The following CDC42SE2 variants were observed in gnomAD, a reference collection of about 807,000 sequenced individuals.
CDC42SE2 encodes the protein CDC42 small effector 2, also known as CDC42 small effector protein 2.
In CDC42SE2, 3 loss-of-function variants were observed where a neutral mutation model predicts 11.5. The ratio of observed to expected loss-of-function variants is 0.26; its 90% confidence interval spans 0.12 to 0.67. The LOEUF (loss-of-function observed/expected upper bound fraction) is 0.67. CDC42SE2 is among the 30% of genes least tolerant of loss of function. The pLI, the probability that CDC42SE2 is intolerant of heterozygous loss-of-function variation, is 0.80. For synonymous variants in CDC42SE2, 33 were observed against 34.8 expected (o/e 0.95, Z 0.18); for missense variants, 82 against 106.8 (o/e 0.77, Z 1.02).
At chr5:131,280,023 C>T (rs1341104404) in intron 1 of CDC42SE2, among the ~76,000 whole-genome samples, 1 of 152,192 alleles carries the variant, frequency 6.6e-6, no homozygotes, top group Non-Finnish European at 1.5e-5. Flanking sequence ...GCTGAGCTCA[C>T]ACCACTGCAC....
At chr5:131,237,962 A>AT in the CDC42SE2 span, among the ~76,000 whole-genome samples, 1 of 152,122 alleles carries the variant, frequency 6.6e-6, no homozygotes, top group African/African-American at 2.4e-5. Flanking sequence ...TTCTTTCATA[A>AT]TCTTTGGAAA....
chr5:131,378,828 T>C (rs1750231136), intron 3 of CDC42SE2, among the ~76,000 whole-genome samples: 1 of 151,406 alleles, frequency 6.6e-6, no homozygotes, highest in Non-Finnish European at 1.5e-5. Flanking sequence ...TGGGTTTTTT[T>C]CACAGTAACC....
chr5:131,332,577 C>T (rs1287618715), intron 2 of CDC42SE2, among the ~76,000 whole-genome samples: 1 of 152,088 alleles, frequency 6.6e-6, no homozygotes, highest in African/African-American at 2.4e-5. Context: ...AGTTTACAGT[C>T]CCACCAACAG....
intron 2 of CDC42SE2, among the ~76,000 whole-genome samples, chr5:131,321,437 G>C (rs1384556601): frequency 2.6e-5 from 4 of 152,136 alleles, no homozygotes; most frequent in African/African-American, 9.7e-5. Context: ...GATAGGGAAG[G>C]ATTGTTTGAA....
At chr5:131,327,975 G>T (rs1758333317) in intron 2 of CDC42SE2, among the ~76,000 whole-genome samples, 1 of 152,152 alleles carries the variant, frequency 6.6e-6, no homozygotes, top group Non-Finnish European at 1.5e-5. Context: ...AGGCTGGGAA[G>T]TCCAAGATCA....
In CDC42SE2 at chr5:131,356,707, G is replaced by A. The variant is rs189649250; in HGVS notation, c.-285-2502G>A. The stretch of plus-strand genomic sequence containing the variant: ...GGCTGAAGTGTGAGCTCAGCAGTTT[G>A]AGCTCAGCCTGGGCAAAACAGTGAG... On this transcript the variant is annotated intron_variant, in intron 2 of 4. Transcript: ENST00000505065. 6.8e-4 allele frequency among the ~76,000 whole-genome samples: 104 copies of A among 152,254 alleles called. 1 individual carries two copies. The highest frequency in any genetic ancestry group is 2.3e-3 in the African/African-American group (97 of 41,554).
At position 131,319,482 on chromosome 5, in the gene CDC42SE2, G is replaced by T. The variant is rs1758115783; in HGVS notation, c.-286+3338G>T. On this transcript the variant is annotated intron_variant, in intron 2 of 4. Transcript: ENST00000505065. Reference sequence around the variant, plus strand: ...CCCCCATAGACAGAGCTTGCACTCTGTATACTGGCTTCCTTTGCCCCTTAG... The same window carrying T: ...CCCCCATAGACAGAGCTTGCACTCTTTATACTGGCTTCCTTTGCCCCTTAG... 2.6e-5 allele frequency among the ~76,000 whole-genome samples: 4 copies of T among 152,112 alleles called. No homozygotes were observed. The South Asian group carries it at 8.3e-4, about 32-fold the overall frequency.
chr5:131,365,476 C>G (rs182159965), intron 3 of CDC42SE2, among the ~76,000 whole-genome samples: 1 of 152,080 alleles, frequency 6.6e-6, no homozygotes, highest in Admixed American at 6.6e-5. Context: ...ATAATAACCT[C>G]GTATGGCACA....
chr5:131,351,032 A>T (rs1758997297), intron 2 of CDC42SE2, among the ~76,000 whole-genome samples: 1 of 151,762 alleles, frequency 6.6e-6, no homozygotes, highest in Admixed American at 6.6e-5. Flanking sequence ...TGCAGCCTCA[A>T]CCTCCCAGGC....
Position 131,385,654 on chromosome 5 carries a change from TTGG to T in CDC42SE2, c.156+14_156+16del. On this transcript the variant is annotated intron_variant, in intron 4 of 4. Transcript: ENST00000505065. ...CAGTGGAATGAATTCAGTAAGTATG[TTGG>T]TGGGACATGCAGGTAGGGCATTGGG... 1 of 1,570,542 alleles carries T rather than the reference TTGG, an allele frequency of 6.4e-7. No homozygotes were observed. The highest frequency in any genetic ancestry group is 8.8e-7 in the Non-Finnish European group (1 of 1,141,170).
At chr5:131,221,149 G>A in the CDC42SE2 span, among the ~76,000 whole-genome samples, 6 of 152,104 alleles carry the variant, frequency 3.9e-5, no homozygotes, top group African/African-American at 7.2e-5. Context: ...GCCTCCCAGA[G>A]TGCTAAGATT....
intron 2 of CDC42SE2, among the ~76,000 whole-genome samples, chr5:131,345,665 C>T (rs898303751): frequency 2.0e-5 from 3 of 152,102 alleles, no homozygotes; most frequent in Non-Finnish European, 2.9e-5. Context: ...AAAGATACTC[C>T]TCAAGAAGAG....
intron 1 of CDC42SE2, among the ~76,000 whole-genome samples, chr5:131,298,028 T>G (rs774627190): frequency 1.3e-5 from 2 of 152,112 alleles, no homozygotes; most frequent in African/African-American, 2.4e-5. Context: ...CAGTTAAATC[T>G]AATTTTTTAG....
intron 3 of CDC42SE2, among the ~76,000 whole-genome samples, chr5:131,377,262 G>T (rs547596521): frequency 6.6e-6 from 1 of 150,824 alleles, no homozygotes; most frequent in East Asian, 1.9e-4. Context: ...TCTGCCTCCC[G>T]GGTTCAAACG....
At chr5:131,265,375 A>T (rs1756838194) in intron 1 of CDC42SE2, among the ~76,000 whole-genome samples, 1 of 152,184 alleles carries the variant, frequency 6.6e-6, no homozygotes, top group African/African-American at 2.4e-5. Flanking sequence ...TTATGAATAA[A>T]GGAGTTTATG....
At chr5:131,384,672 G>A (rs1368280291) in intron 3 of CDC42SE2, among the ~76,000 whole-genome samples, 1 of 152,008 alleles carries the variant, frequency 6.6e-6, no homozygotes. Flanking sequence ...CAGCAGTACA[G>A]TCAGGAAATA....
intron 2 of CDC42SE2, among the ~76,000 whole-genome samples, chr5:131,337,770 T>G (rs901290673): frequency 2.6e-5 from 4 of 152,184 alleles, no homozygotes; most frequent in African/African-American, 9.6e-5. Context: ...CTCTGAGCCA[T>G]GTGTGGGATA....
intron 2 of CDC42SE2, among the ~76,000 whole-genome samples, chr5:131,344,364 A>T (rs114147737): frequency 2.0e-5 from 3 of 152,166 alleles, no homozygotes; most frequent in African/African-American, 7.2e-5. Flanking sequence ...CCTGCGCCTG[A>T]CTAAGAGGGT....
intron 1 of CDC42SE2, among the ~76,000 whole-genome samples, chr5:131,248,243 G>A (rs530320205): frequency 6.6e-6 from 1 of 152,018 alleles, no homozygotes; most frequent in Non-Finnish European, 1.5e-5. Context: ...AGGTTCAAGC[G>A]ATTCTCCTGC....
Sources: allele counts gnomAD v4.1 joint callset (sites outside exome capture counted in the v4.1 genomes callset), GRCh38; gene constraint gnomAD v4.1.1; transcripts MANE v1.5; gene names NCBI Gene and HGNC (gene_info 2026-07-23, HGNC 2026-07-21).